The following ZSWIM5 variants were observed in gnomAD, a reference collection of about 807,000 sequenced individuals.
ZSWIM5 encodes the protein zinc finger SWIM-type containing 5.
Under a neutral mutation model 119.6 loss-of-function variants are expected in ZSWIM5, and 55 were observed. The ratio of observed to expected loss-of-function variants is 0.46; its 90% confidence interval spans 0.37 to 0.58. The LOEUF (loss-of-function observed/expected upper bound fraction) is 0.58. Among genes scored for constraint, ZSWIM5 ranks in the 20% least tolerant of loss-of-function variants. ZSWIM5 has a pLI of 0.00. For synonymous variants in ZSWIM5, 537 were observed against 606.9 expected, an observed-to-expected ratio of 0.88 and a Z score of 1.69; for missense variants, 1,193 against 1,512.8, an observed-to-expected ratio of 0.79 and a Z score of 3.51.
chr1:45,144,733 G>A (rs940540977), intron 1 of ZSWIM5, among the ~76,000 whole-genome samples: 10 of 152,094 alleles, frequency 6.6e-5, no homozygotes, highest in African/African-American at 2.4e-4. Flanking sequence ...AACACAGCAG[G>A]ATATCTTTGT....
At chr1:45,181,802 C>G (rs1236230725) in intron 1 of ZSWIM5, among the ~76,000 whole-genome samples, 1 of 152,032 alleles carries the variant, frequency 6.6e-6, no homozygotes, top group Non-Finnish European at 1.5e-5. Flanking sequence ...AAAGAATTTT[C>G]AACCCAGAAT....
intron 1 of ZSWIM5, among the ~76,000 whole-genome samples, chr1:45,149,644 T>C (rs1645784150): frequency 6.6e-6 from 1 of 152,216 alleles, no homozygotes; most frequent in Non-Finnish European, 1.5e-5. Flanking sequence ...ATGAGTTAAA[T>C]CTTGCTTTCA....
At chr1:45,199,160 G>A (rs1159411848) in intron 1 of ZSWIM5, among the ~76,000 whole-genome samples, 1 of 151,924 alleles carries the variant, frequency 6.6e-6, no homozygotes, top group African/African-American at 2.4e-5. Flanking sequence ...TTTAGTGTGT[G>A]TGTAATGTAG....
intron 2 of ZSWIM5, among the ~76,000 whole-genome samples, chr1:45,066,983 C>T (rs1351171238): frequency 6.6e-6 from 1 of 152,118 alleles, no homozygotes; most frequent in Non-Finnish European, 1.5e-5. Flanking sequence ...CATCATGATT[C>T]CATGGCTAGA....
chr1:45,122,105 T>C (rs1557772563), intron 1 of ZSWIM5, among the ~76,000 whole-genome samples: 3 of 152,214 alleles, frequency 2.0e-5, no homozygotes, highest in African/African-American at 7.2e-5. Context: ...ACTTATTTAA[T>C]AGTTTTAAAT....
intron 1 of ZSWIM5, among the ~76,000 whole-genome samples, chr1:45,146,526 G>A (rs1232872994): frequency 7.8e-6 from 1 of 127,762 alleles, no homozygotes; most frequent in Non-Finnish European, 1.6e-5. Flanking sequence ...TGCAACCTCC[G>A]CTTCCCCGGT....
intron 1 of ZSWIM5, among the ~76,000 whole-genome samples, chr1:45,152,250 G>C (rs569262785): frequency 6.6e-6 from 1 of 152,244 alleles, no homozygotes; most frequent in African/African-American, 2.4e-5. Context: ...CAAAAAAAAA[G>C]TGAAGAACAG....
chr1:45,178,542 C>T (rs1254723739), intron 1 of ZSWIM5, among the ~76,000 whole-genome samples: 1 of 152,122 alleles, frequency 6.6e-6, no homozygotes, highest in Non-Finnish European at 1.5e-5. Flanking sequence ...TACCACTTTC[C>T]TATTCTGTAT....
chr1:45,068,091 C>CTTTTTTTTTT (rs869057806), intron 2 of ZSWIM5, among the ~76,000 whole-genome samples: 1 of 111,534 alleles, frequency 9.0e-6, no homozygotes, highest in Non-Finnish European at 1.8e-5. Context: ...AGCAATTTTT[C>CTTTTTTTTTT]TTTTTTTTTT....
intron 8 of ZSWIM5, 152 bp downstream of exon 8, chr1:45,038,784 C>A: frequency 1.2e-6 from 1 of 848,592 alleles, no homozygotes; most frequent in African/African-American, 1.8e-5. Flanking sequence ...TTTGTAGAGA[C>A]AGGGTTTTGC....
intron 7 of ZSWIM5, among the ~76,000 whole-genome samples, chr1:45,040,115 G>C (rs962300621): frequency 2.6e-5 from 4 of 152,170 alleles, no homozygotes; most frequent in Non-Finnish European, 4.4e-5. Flanking sequence ...TGGGATTATA[G>C]GTGTGAATCA....
intron 2 of ZSWIM5, among the ~76,000 whole-genome samples, chr1:45,081,196 C>T (rs1174462198): frequency 6.6e-6 from 1 of 151,924 alleles, no homozygotes; most frequent in East Asian, 1.9e-4. Context: ...TCCCTCAGTT[C>T]CAGGTCCATA....
chr1:45,081,811 C>A (rs1219000172), intron 2 of ZSWIM5, among the ~76,000 whole-genome samples: 1 of 152,150 alleles, frequency 6.6e-6, no homozygotes, highest in Non-Finnish European at 1.5e-5. Flanking sequence ...CCGGCCACCA[C>A]CCCGTCTGGG....
intron 1 of ZSWIM5, among the ~76,000 whole-genome samples, chr1:45,175,048 T>C (rs1452262573): frequency 6.6e-6 from 1 of 152,142 alleles, no homozygotes; most frequent in Non-Finnish European, 1.5e-5. Context: ...TCCAAAGTCA[T>C]ACAATGCATT....
intron 1 of ZSWIM5, among the ~76,000 whole-genome samples, chr1:45,187,853 CAT>C (rs1202186149): frequency 1.3e-5 from 2 of 152,136 alleles, no homozygotes; most frequent in Non-Finnish European, 2.9e-5. Flanking sequence ...ATCTCAACAT[CAT>C]TAGTCACCAG....
chr1:45,157,399 T>C (rs909388367), intron 1 of ZSWIM5, among the ~76,000 whole-genome samples: 2 of 152,184 alleles, frequency 1.3e-5, no homozygotes, highest in African/African-American at 2.4e-5. Context: ...GGTTTCGAAC[T>C]CCTGGGCTCA....
chr1:45,025,241 G>A (rs1644914593), intron 11 of ZSWIM5, among the ~76,000 whole-genome samples: 1 of 152,162 alleles, frequency 6.6e-6, no homozygotes, highest in Non-Finnish European at 1.5e-5. Flanking sequence ...TATAGTAAGT[G>A]TTTCCATTGG....
intron 5 of ZSWIM5, among the ~76,000 whole-genome samples, chr1:45,049,322 G>A (rs113548685): frequency 0.017 from 2,534 of 152,148 alleles, 95 homozygotes; most frequent in African/African-American, 0.059. Context: ...TAAGAAGGTA[G>A]GAAGAATTAT....
chr1:45,205,971 C>T lies in ZSWIM5; in HGVS notation c.380G>A (p.Gly127Asp). The change falls in exon 1 of 14, where the codon GGC becomes GAC. Residue 127 changes from glycine (G) to aspartate (D), a missense_variant. Physicochemically the swap from Gly to Asp is moderately conservative, Grantham distance 94 (BLOSUM62 -1). Transcript: ENST00000359600. ...YRGGPGAGAA[G>D]GAAGASPAEE... ...GGCCGGCGAAGCCCCCGCGGCGCCGCCAGCAGCGCCGGCGCCGGGGCCGCC... is the reference window on the plus strand; with the variant it reads ...GGCCGGCGAAGCCCCCGCGGCGCCGTCAGCAGCGCCGGCGCCGGGGCCGCC... 1 of 1,388,118 alleles carries T rather than the reference C, an allele frequency of 7.2e-7. No homozygotes were observed. Among genetic ancestry groups the T allele is most frequent in the Non-Finnish European group, 9.3e-7 (1 of 1,069,596 alleles). 86.0% of individuals were successfully genotyped at this position (1,388,118 alleles called of 1,614,324 possible).
Sources: allele counts gnomAD v4.1 joint callset (sites outside exome capture counted in the v4.1 genomes callset), GRCh38; gene constraint gnomAD v4.1.1; transcripts MANE v1.5; gene names NCBI Gene and HGNC (gene_info 2026-07-23, HGNC 2026-07-21).